AGBL2: variants seen among roughly 807,000 people sequenced by gnomAD.
AGBL2 encodes cytosolic carboxypeptidase 2.
In AGBL2, 87 loss-of-function variants were observed where a neutral mutation model predicts 103.0. The observed-to-expected ratio is 0.84, with a 90% confidence interval of 0.71 to 1.01. The LOEUF is 1.01. AGBL2 is among the 50% of genes least tolerant of loss of function. The pLI is 0.00. For synonymous variants in AGBL2, 335 were observed against 356.7 expected, an observed-to-expected ratio of 0.94 and a Z score of 0.69; for missense variants, 904 against 1,023.5, an observed-to-expected ratio of 0.88 and a Z score of 1.59.
intron 8 of AGBL2, among the ~76,000 whole-genome samples, chr11:47,695,221 T>G (rs1355852597): frequency 1.3e-5 from 2 of 151,758 alleles, no homozygotes; most frequent in Admixed American, 1.3e-4. Flanking sequence ...ACGCCTGTAA[T>G]CCCAGCACTT....
chr11:47,701,993 GA>G (rs2097501227), intron 7 of AGBL2, among the ~76,000 whole-genome samples: 6 of 119,308 alleles, frequency 5.0e-5, no homozygotes, highest in East Asian at 2.5e-4. Flanking sequence ...AAAAAAAAAA[GA>G]AAAAAAATTA....
chr11:47,690,328 C>A lies in AGBL2; in HGVS notation c.1379G>T (p.Arg460Ile), dbSNP rs990201929. The change falls in exon 10 of 19, where the codon AGA becomes ATA. Residue 460 changes from arginine to isoleucine, a missense_variant. By Grantham distance (97) the Arg-to-Ile change is moderately conservative. Coordinates refer to ENST00000525123, the MANE Select transcript of AGBL2 (RefSeq NM_024783.4). ...AAKKAVVLSA[R>I]VHPGESNGSW... is the part of the protein sequence containing the mutation. ...GCCATTACTTTCTCCAGGGTGAACT[C>A]TGGCACTCAAGACCACAGCTTTCTT... 6.2e-6 allele frequency: 10 copies of A among 1,613,778 alleles called. No homozygotes were observed. The highest frequency in any genetic ancestry group is 6.8e-6 in the Non-Finnish European group (8 of 1,179,918).
chr11:47,685,969 C>T lies in AGBL2; in HGVS notation c.1712G>A (p.Cys571Tyr). ...CCAGTATTTGCGATTGTTGTTATTACAGCCATACAGGAAGATATTATTCTT... is the reference window on the plus strand; with the variant it reads ...CCAGTATTTGCGATTGTTGTTATTATAGCCATACAGGAAGATATTATTCTT... ...SRKNNIFLYG[C>Y]NNNNRKYWLH... Residue 571 changes from cysteine to tyrosine, a missense_variant, in exon 11 of 19, where the codon TGT becomes TAT. Cys to Tyr is a radical substitution (Grantham distance 194). Coordinates refer to ENST00000525123, the MANE Select transcript of AGBL2 (RefSeq NM_024783.4). 1 of 1,613,896 alleles carries T rather than the reference C, an allele frequency of 6.2e-7. No individual in the cohort carries two copies. Among genetic ancestry groups the T allele is most frequent in the Non-Finnish European group, 8.5e-7 (1 of 1,179,844 alleles).
In AGBL2 at chr11:47,692,208, C is replaced by T. The variant is rs2097450206; in HGVS notation, c.743G>A (p.Arg248Gln). 5 of 1,613,708 alleles carry T rather than the reference C, an allele frequency of 3.1e-6. No homozygotes were observed. The highest frequency in any genetic ancestry group is 2.2e-5 in the East Asian group (1 of 44,860). ...GACAGCAAGTTCCTTGACAATTCCT[C>T]GTTTGCCTCCCACTCTGGAACTGGT... is the stretch of plus-strand genomic sequence containing the variant. ...YFTSSRVGGK[R>Q]GIVKELAVTL... Residue 248 changes from arginine (R) to glutamine (Q), a missense_variant, in exon 9 of 19, where the codon CGA becomes CAA. Arg to Gln is a conservative substitution (Grantham distance 43). Transcript: ENST00000525123.
chr11:47,709,511 C>T (rs999838690), intron 4 of AGBL2, among the ~76,000 whole-genome samples: 1 of 152,024 alleles, frequency 6.6e-6, no homozygotes, highest in African/African-American at 2.4e-5. Context: ...TGTAAGCTAG[C>T]TAGAACTGTT....
chr11:47,691,959 A>T, intron 9 of AGBL2, 144 bp downstream of exon 9: 1 of 659,336 alleles, frequency 1.5e-6, no homozygotes, highest in Non-Finnish European at 2.3e-6. Flanking sequence ...AAAAATGAGT[A>T]ATAATTACTC....
rs150009478 is a variant in AGBL2 at position 47,692,499 on chromosome 11, C to T, written c.695-243G>A. Among the ~76,000 whole-genome samples, 1,217 of 148,400 alleles carry T rather than the reference C, an allele frequency of 8.2e-3. 18 individuals are homozygous for T. Among genetic ancestry groups the T allele is most frequent in the African/African-American group, 0.028 (1,141 of 40,080 alleles). On this transcript the variant is annotated intron_variant, in intron 8 of 18. Transcript: ENST00000525123. ...CGATCTTGGCTCACTGCAAGCTCCG[C>T]CTCCCAGGTTCATGCCATTGTCCTG...
Position 47,690,559 on chromosome 11 carries a change from A to G in AGBL2, c.1148T>C (p.Phe383Ser). ...GAAGCAAGTGTCCTGGTCATATGGAAACTGAATGGTCCACGTGAGACAGTA... is the reference window on the plus strand; with the variant it reads ...GAAGCAAGTGTCCTGGTCATATGGAGACTGAATGGTCCACGTGAGACAGTA... ...PFYCLTWTIQ[F>S]PYDQDTCFFA... Residue 383 changes from phenylalanine to serine, a missense_variant, in exon 10 of 19, where the codon TTT becomes TCT. By Grantham distance (155) the Phe-to-Ser change is radical (BLOSUM62 -2). Coordinates refer to ENST00000525123, the MANE Select transcript of AGBL2 (RefSeq NM_024783.4). The G allele has an allele frequency of 6.2e-7, 1 of 1,614,160 alleles. No individual in the cohort carries two copies. Among genetic ancestry groups the G allele is most frequent in the Non-Finnish European group, 8.5e-7 (1 of 1,180,032 alleles).
Position 47,667,557 on chromosome 11 carries a change from C to G in AGBL2, c.2340+14G>C. The G allele has an allele frequency of 1.2e-6, 2 of 1,612,522 alleles. No individual in the cohort carries two copies. The highest frequency in any genetic ancestry group is 1.1e-5 in the South Asian group (1 of 90,806). On this transcript the variant is annotated intron_variant, in intron 16 of 18. Coordinates refer to ENST00000525123, the MANE Select transcript of AGBL2 (RefSeq NM_024783.4). ...GAAACTAGACAGTAGAAATAGCCAG[C>G]AAGTCTTTCTTACTGAGGTATCTTC... is the stretch of plus-strand genomic sequence containing the variant.
chr11:47,663,084 G>T lies in AGBL2; in HGVS notation c.2477C>A (p.Thr826Asn), dbSNP rs767936780. The T allele has an allele frequency of 1.9e-6, 3 of 1,594,022 alleles. No individual in the cohort carries two copies. The highest frequency in any genetic ancestry group is 2.7e-5 in the African/African-American group (2 of 73,588). ...GGTGGCCATTGATGGGTCCAGGGGG[G>T]TGTCTTTGTCTCTTCTATTTAAATT... ...ETNLNRRDKD[T>N]PLDPSMATLI... is the part of the protein sequence containing the mutation. The change falls in exon 18 of 19, where the codon ACC becomes AAC. Residue 826 changes from threonine to asparagine, a missense_variant. Thr to Asn is a moderately conservative substitution (Grantham distance 65, BLOSUM62 0). Coordinates refer to ENST00000525123, the MANE Select transcript of AGBL2 (RefSeq NM_024783.4).
intron 18 of AGBL2, 114 bp downstream of exon 18, chr11:47,662,912 G>T: frequency 1.1e-6 from 1 of 892,904 alleles, no homozygotes; most frequent in Non-Finnish European, 1.8e-6. Flanking sequence ...GAACGAATCC[G>T]AGAAGGTAAA....
chr11:47,694,288 ACTC>A (rs1020973051), intron 8 of AGBL2, among the ~76,000 whole-genome samples: 3 of 151,272 alleles, frequency 2.0e-5, no homozygotes, highest in African/African-American at 7.3e-5. Flanking sequence ...GAGGTGAGGC[ACTC>A]CTCAACACTA....
intron 9 of AGBL2, among the ~76,000 whole-genome samples, chr11:47,691,729 A>AAAAAAAAAATATATATATATAT: frequency 2.1e-4 from 1 of 4,856 alleles, no homozygotes; most frequent in African/African-American, 7.2e-4. Context: ...AAAAAAAAAA[A>AAAAAAAAAATATATATATATAT]ATATATATAT....
At position 47,682,022 on chromosome 11, in the gene AGBL2, A is replaced by G. The variant is rs2097403268; in HGVS notation, c.1862T>C (p.Met621Thr). ...CATGGTGTAGCTGTTTAGGATTCCC[A>G]TCCGCCACATAACAACTCGTCCTGT... ...EGTGRVVMWR[M>T]GILNSYTMES... is the part of the protein sequence containing the mutation. Residue 621 changes from methionine (M) to threonine (T), a missense_variant, in exon 12 of 19, where the codon ATG becomes ACG. By Grantham distance (81) the Met-to-Thr change is moderately conservative. Coordinates refer to ENST00000525123, the MANE Select transcript of AGBL2 (RefSeq NM_024783.4). The G allele has an allele frequency of 1.9e-6, 3 of 1,614,172 alleles. No individual in the cohort carries two copies. The highest frequency in any genetic ancestry group is 2.5e-6 in the Non-Finnish European group (3 of 1,180,022).
intron 8 of AGBL2, 42 bp from the exon 9 acceptor site, chr11:47,692,298 T>G: frequency 1.3e-6 from 2 of 1,577,938 alleles, no homozygotes; most frequent in African/African-American, 1.3e-5. Flanking sequence ...CTACTCAGAA[T>G]CCACTCATTC....
At chr11:47,681,947 T>C (rs1429154937) in intron 12 of AGBL2, 22 bp downstream of exon 12, 5 of 1,609,072 alleles carry the variant, frequency 3.1e-6, no homozygotes, top group Non-Finnish European at 3.4e-6. Context: ...TGCTGGCCTA[T>C]GATATACAAA....
At position 47,682,133 on chromosome 11, in the gene AGBL2, A is replaced by G. The variant is rs866138159; in HGVS notation, c.1789-38T>C. 1.6e-5 allele frequency: 26 copies of G among 1,580,914 alleles called. No homozygotes were observed. The Middle Eastern group carries it at 6.7e-4, about 40-fold the overall frequency. On this transcript the variant is annotated intron_variant, in intron 11 of 18. Coordinates refer to ENST00000525123, the MANE Select transcript of AGBL2 (RefSeq NM_024783.4). ...CCAAATTTTCTGTTAATCATAAATC[A>G]GCAAATGTAAAATATCTAAGATTCA...
intron 3 of AGBL2, among the ~76,000 whole-genome samples, chr11:47,711,441 G>A (rs2097536208): frequency 6.6e-6 from 1 of 152,162 alleles, no homozygotes; most frequent in African/African-American, 2.4e-5. Flanking sequence ...CCGGAGCTCA[G>A]AGGAACTTTG....
intron 13 of AGBL2, among the ~76,000 whole-genome samples, chr11:47,679,466 T>C (rs1196380339): frequency 6.6e-6 from 1 of 152,024 alleles, no homozygotes; most frequent in Non-Finnish European, 1.5e-5. Flanking sequence ...AAGGACTGTC[T>C]CCATCTTCTT....
Sources: allele counts gnomAD v4.1 joint callset (sites outside exome capture counted in the v4.1 genomes callset), GRCh38; gene constraint gnomAD v4.1.1; transcripts MANE v1.5; gene names NCBI Gene and HGNC (gene_info 2026-07-23, HGNC 2026-07-21).